CLTCL1: variants seen among roughly 807,000 people sequenced by gnomAD.
The protein encoded by CLTCL1 is clathrin heavy chain 2.
Under a neutral mutation model 190.0 loss-of-function variants are expected in CLTCL1, and 159 were observed. That is an observed-to-expected ratio of 0.84 (90% CI 0.74 to 0.95). CLTCL1 has a LOEUF of 0.95. Among genes scored for constraint, CLTCL1 ranks in the 40% least tolerant of loss-of-function variants. The probability of loss-of-function intolerance (pLI) is 0.00; values close to 1 mark genes in which losing one functional copy is unlikely to be tolerated. For synonymous variants in CLTCL1, 752 were observed against 769.6 expected (o/e 0.98, Z 0.38); for missense variants, 1,878 against 2,033.4 (o/e 0.92, Z 1.47).
In CLTCL1 at chr22:19,179,889, T is replaced by G; in HGVS notation, c.*101A>C. 4.8e-6 allele frequency: 2 copies of G among 418,346 alleles called. No homozygotes were observed. Among genetic ancestry groups the G allele is most frequent in the South Asian group, 3.2e-5 (1 of 31,292 alleles). The allele number at this position is 418,346 out of a possible 1,614,324, so 25.9% of individuals were successfully genotyped here. On this transcript the variant is annotated 3_prime_UTR_variant, in exon 33 of 33. Coordinates refer to ENST00000427926, the MANE Select transcript of CLTCL1 (RefSeq NM_007098.4). ...TGACAACGCCCACTACACGCGGAAG[T>G]TGTACATTGGAGGCTGGCGAAGTTG...
At chr22:19,191,938 G>A (rs2084520302) in intron 26 of CLTCL1, among the ~76,000 whole-genome samples, 2 of 152,208 alleles carry the variant, frequency 1.3e-5, no homozygotes, top group Admixed American at 6.5e-5. Flanking sequence ...AGCCCATGCA[G>A]AGAGTGGACC....
chr22:19,235,590 ACTATTAATAG>A, intron 6 of CLTCL1, 96 bp downstream of exon 6: 1 of 1,037,292 alleles, frequency 9.6e-7, no homozygotes, highest in Non-Finnish European at 1.4e-6. Context: ...AATAACAGGA[ACTATTAATAG>A]CTACACCCAG....
At chr22:19,251,187 T>C (rs1555969804) in intron 3 of CLTCL1, among the ~76,000 whole-genome samples, 1 of 152,088 alleles carries the variant, frequency 6.6e-6, no homozygotes, top group Non-Finnish European at 1.5e-5. Context: ...CTTTTGCACT[T>C]TTTAAATTAA....
chr22:19,227,585 G>GC lies in CLTCL1; in HGVS notation c.1783-1203dup, dbSNP rs1232010482. 1.1e-4 allele frequency among the ~76,000 whole-genome samples: 16 copies of GC among 151,930 alleles called. 1 individual carries two copies. The Middle Eastern group carries it at 0.01, about 98-fold the overall frequency. ...TTCTCCTGCCTCAGCCTCCCAAGTAGCTGGGACTACAGGCATGCGCCACCA... is the reference window on the plus strand; with the variant it reads ...TTCTCCTGCCTCAGCCTCCCAAGTAGCCTGGGACTACAGGCATGCGCCACCA... On this transcript the variant is annotated intron_variant, in intron 11 of 32. Coordinates refer to ENST00000427926, the MANE Select transcript of CLTCL1 (RefSeq NM_007098.4).
intron 16 of CLTCL1, among the ~76,000 whole-genome samples, 160 bp downstream of exon 16, chr22:19,221,791 C>T (rs918635669): frequency 2.0e-5 from 3 of 152,140 alleles, no homozygotes; most frequent in Admixed American, 6.6e-5. Context: ...TAGGTTTTCC[C>T]CCAAGGTCTT....
chr22:19,243,779 G>T (rs2086333434), intron 3 of CLTCL1, among the ~76,000 whole-genome samples: 1 of 138,554 alleles, frequency 7.2e-6, no homozygotes, highest in South Asian at 2.3e-4. Flanking sequence ...CTCACTGCAA[G>T]CTTCGCCTCC....
intron 18 of CLTCL1, among the ~76,000 whole-genome samples, chr22:19,218,733 G>A (rs1228925937): frequency 6.6e-6 from 1 of 152,226 alleles, no homozygotes; most frequent in Non-Finnish European, 1.5e-5. Flanking sequence ...ATCTGCAAAT[G>A]TCTGTGAGGC....
At chr22:19,260,766 T>C in intron 2 of CLTCL1, among the ~76,000 whole-genome samples, 1 of 103,446 alleles carries the variant, frequency 9.7e-6, no homozygotes. Flanking sequence ...GCAACAAGAG[T>C]GAAACTCTGT....
At chr22:19,184,856 T>C in intron 29 of CLTCL1, 1 of 314,288 alleles carries the variant, frequency 3.2e-6, no homozygotes, top group Non-Finnish European at 6.3e-6. Flanking sequence ...TCCTCTCTCA[T>C]CACCTCCCCG....
At chr22:19,232,371 A>G (rs1405870652) in intron 10 of CLTCL1, 105 bp downstream of exon 10, 5 of 1,472,522 alleles carry the variant, frequency 3.4e-6, no homozygotes, top group Non-Finnish European at 4.6e-6. Flanking sequence ...GATTAATAGC[A>G]GATGAAGAAA....
intron 1 of CLTCL1, among the ~76,000 whole-genome samples, chr22:19,280,736 C>T (rs142896952): frequency 0.023 from 3,481 of 148,492 alleles, 129 homozygotes; most frequent in African/African-American, 0.081. Context: ...GGAGAATCAC[C>T]TGAACCCAGG....
Position 19,184,342 on chromosome 22 carries a change from G to C in CLTCL1, c.4606-731C>G, listed in dbSNP as rs1400995349. The C allele has an allele frequency of 7.5e-6, 3 of 401,250 alleles. No homozygotes were observed. The Admixed American group carries it at 7.8e-5, about 10-fold the overall frequency. The allele number at this position is 401,250 out of a possible 1,614,324, so 24.9% of individuals were successfully genotyped here. Reference sequence around the variant, plus strand: ...CTGACTGTGACCTGTGCTCTCCAGGGATACCCTGTGGCGGTCCCAGCTCTG... The same window carrying C: ...CTGACTGTGACCTGTGCTCTCCAGGCATACCCTGTGGCGGTCCCAGCTCTG... On this transcript the variant is annotated intron_variant, in intron 29 of 32. Transcript: ENST00000427926.
chr22:19,221,616 G>T lies in CLTCL1; in HGVS notation c.2562-5C>A. 1.3e-6 allele frequency: 2 copies of T among 1,570,352 alleles called. No homozygotes were observed. Among genetic ancestry groups the T allele is most frequent in the Middle Eastern group, 1.7e-4 (1 of 5,998 alleles). On this transcript the variant is annotated splice_polypyrimidine_tract_variant and splice_region_variant and intron_variant, in intron 16 of 32. Transcript: ENST00000427926. ...CAGGGAAGCAGCAGCTTGAGCCTTT[G>T]AAAGAAGGAAGGTGCTGTAAAGTCT...
intron 20 of CLTCL1, 21 bp downstream of exon 20, chr22:19,210,305 T>C: frequency 6.2e-7 from 1 of 1,610,932 alleles, no homozygotes; most frequent in Non-Finnish European, 8.5e-7. Context: ...AGGTCCGACA[T>C]GCTTACACTC....
chr22:19,191,567 C>T (rs2084507068), intron 26 of CLTCL1, 132 bp from the exon 27 acceptor site: 4 of 1,071,344 alleles, frequency 3.7e-6, no homozygotes, highest in Non-Finnish European at 4.0e-6. Context: ...ACTCAATGGC[C>T]TGTGAAGGTG....
At chr22:19,269,787 G>C (rs1179914776) in intron 2 of CLTCL1, among the ~76,000 whole-genome samples, 1 of 152,114 alleles carries the variant, frequency 6.6e-6, no homozygotes, top group Non-Finnish European at 1.5e-5. Context: ...TCAGGGGAGT[G>C]GGGGGCGAAG....
Position 19,222,045 on chromosome 22 carries a change from C to T in CLTCL1, c.2467G>A (p.Asp823Asn). ...PAVIGGLLDV[D>N]CSEEVIKHLI... ...TGTTTAATCACTTCCTCAGAACAATCCACATCAAGCAGCCCTCCAATCACA... is the reference window on the plus strand; with the variant it reads ...TGTTTAATCACTTCCTCAGAACAATTCACATCAAGCAGCCCTCCAATCACA... Residue 823 changes from aspartate (D) to asparagine (N), a missense_variant, in exon 16 of 33, where the codon GAT becomes AAT. By Grantham distance (23) the Asp-to-Asn change is conservative (BLOSUM62 1). Transcript: ENST00000427926. 1 of 1,614,044 alleles carries T rather than the reference C, an allele frequency of 6.2e-7. No individual in the cohort carries two copies. Among genetic ancestry groups the T allele is most frequent in the Non-Finnish European group, 8.5e-7 (1 of 1,179,906 alleles).
chr22:19,208,341 C>G, intron 21 of CLTCL1, 30 bp from the exon 22 acceptor site: 1 of 1,606,148 alleles, frequency 6.2e-7, no homozygotes, highest in Non-Finnish European at 8.5e-7. Context: ...ATAGGTTAAC[C>G]CAGAGCTGAT....
chr22:19,191,406 G>C lies in CLTCL1; in HGVS notation c.4221C>G (p.Ala1407=). ...KVANVELCYR[A]LQFYLDYKPL... Reference sequence around the variant, plus strand: ...GTTTGTAATCCAAATAGAACTGCAGGGCTCTGTAACAGAGCTCGACGTTGG... The same window carrying C: ...GTTTGTAATCCAAATAGAACTGCAGCGCTCTGTAACAGAGCTCGACGTTGG... Residue 1407 remains alanine, a synonymous_variant, in exon 27 of 33, where the codon GCC becomes GCG. Coordinates refer to ENST00000427926, the MANE Select transcript of CLTCL1 (RefSeq NM_007098.4). 3.1e-6 allele frequency: 5 copies of C among 1,613,884 alleles called. No individual in the cohort carries two copies. The highest frequency in any genetic ancestry group is 4.2e-6 in the Non-Finnish European group (5 of 1,179,868).
Sources: allele counts gnomAD v4.1 joint callset (sites outside exome capture counted in the v4.1 genomes callset), GRCh38; gene constraint gnomAD v4.1.1; transcripts MANE v1.5; gene names NCBI Gene and HGNC (gene_info 2026-07-23, HGNC 2026-07-21).